PRKG1: variants seen among roughly 807,000 people sequenced by gnomAD.
The protein encoded by PRKG1 is cGMP-dependent protein kinase 1.
PRKG1 carries 35 observed loss-of-function variants against 88.1 expected under a neutral mutation model. The observed-to-expected ratio is 0.40, with a 90% confidence interval of 0.30 to 0.53. The LOEUF is 0.53. PRKG1 is among the 20% of genes least tolerant of loss of function. The probability of loss-of-function intolerance (pLI) is 0.59; values close to 1 mark genes in which losing one functional copy is unlikely to be tolerated. For synonymous variants in PRKG1, 303 were observed against 292.5 expected (o/e 1.04, Z -0.37); for missense variants, 540 against 839.8 (o/e 0.64, Z 4.41).
At chr10:52,135,377 A>T (rs1196372473) in intron 8 of PRKG1, among the ~76,000 whole-genome samples, 2 of 152,102 alleles carry the variant, frequency 1.3e-5, no homozygotes, top group Admixed American at 6.6e-5. Flanking sequence ...GAGAAAATTG[A>T]ATGTTGGGAT....
At chr10:51,501,029 C>CA (rs1302670407) in intron 3 of PRKG1, among the ~76,000 whole-genome samples, 2 of 152,104 alleles carry the variant, frequency 1.3e-5, no homozygotes, top group African/African-American at 4.8e-5. Context: ...AAAGTAATTG[C>CA]ACCAACCTAA....
At chr10:51,209,327 T>A (rs1040791166) in intron 2 of PRKG1, among the ~76,000 whole-genome samples, 1 of 152,164 alleles carries the variant, frequency 6.6e-6, no homozygotes, top group African/African-American at 2.4e-5. Flanking sequence ...ACACTGTAAT[T>A]CCTGTCCCCA....
At chr10:51,737,441 G>A (rs535127794) in intron 3 of PRKG1, among the ~76,000 whole-genome samples, 1 of 152,162 alleles carries the variant, frequency 6.6e-6, no homozygotes, top group Non-Finnish European at 1.5e-5. Context: ...TTGTTGCCTG[G>A]TTTATTGCTT....
chr10:51,203,334 G>A (rs992204991), intron 2 of PRKG1, among the ~76,000 whole-genome samples: 2 of 152,142 alleles, frequency 1.3e-5, no homozygotes, highest in African/African-American at 4.8e-5. Flanking sequence ...ACACATTAAT[G>A]TGTTTTGTTG....
chr10:51,544,563 A>G (rs1196401711), intron 3 of PRKG1, among the ~76,000 whole-genome samples: 1 of 152,128 alleles, frequency 6.6e-6, no homozygotes, highest in Non-Finnish European at 1.5e-5. Context: ...TCCTTTGGGT[A>G]TATACCCAGT....
chr10:51,979,611 C>CT (rs71032612), intron 5 of PRKG1, among the ~76,000 whole-genome samples: 9,799 of 72,312 alleles, frequency 0.14, 792 homozygotes, highest in Middle Eastern at 0.17. Flanking sequence ...TGGTCCTGGG[C>CT]TTTTTTTTTT....
At chr10:51,145,350 T>A (rs1038750961) in intron 1 of PRKG1, among the ~76,000 whole-genome samples, 7 of 152,116 alleles carry the variant, frequency 4.6e-5, no homozygotes, top group Admixed American at 4.6e-4. Context: ...TATCTGACAT[T>A]TTTTTTCTCA....
intron 4 of PRKG1, among the ~76,000 whole-genome samples, chr10:51,870,632 C>T (rs112778246): frequency 7.7e-4 from 117 of 152,108 alleles, no homozygotes; most frequent in Middle Eastern, 3.4e-3. Flanking sequence ...TCAGTTTCCC[C>T]TCCAATACAA....
chr10:51,370,003 G>A (rs1302793991), intron 2 of PRKG1, among the ~76,000 whole-genome samples: 1 of 152,174 alleles, frequency 6.6e-6, no homozygotes, highest in African/African-American at 2.4e-5. Flanking sequence ...AAGCCACTCA[G>A]TTTTGGAGTG....
intron 5 of PRKG1, among the ~76,000 whole-genome samples, chr10:51,955,899 A>G (rs542929011): frequency 1.3e-5 from 2 of 152,292 alleles, no homozygotes; most frequent in South Asian, 4.1e-4. Context: ...AGTGGCTTCA[A>G]TAGCGACCAT....
chr10:51,767,057 G>A (rs992513523), intron 3 of PRKG1, among the ~76,000 whole-genome samples: 4 of 152,100 alleles, frequency 2.6e-5, no homozygotes, highest in African/African-American at 9.7e-5. Flanking sequence ...TTATCTGAAA[G>A]TCCTTTTTAC....
intron 3 of PRKG1, among the ~76,000 whole-genome samples, chr10:51,801,794 T>C (rs1406770310): frequency 6.6e-6 from 1 of 152,118 alleles, no homozygotes; most frequent in Non-Finnish European, 1.5e-5. Flanking sequence ...AATGTACTTG[T>C]GTGTTTAGAG....
chr10:51,620,486 T>C (rs902565215), intron 3 of PRKG1, among the ~76,000 whole-genome samples: 3 of 152,030 alleles, frequency 2.0e-5, no homozygotes, highest in Admixed American at 2.0e-4. Flanking sequence ...AAAAATACAG[T>C]GATGATGATA....
intron 3 of PRKG1, among the ~76,000 whole-genome samples, chr10:51,701,433 C>T (rs538401651): frequency 1.3e-5 from 2 of 152,200 alleles, no homozygotes; most frequent in East Asian, 3.9e-4. Context: ...AGCTGTTCAC[C>T]CAAGATGCGC....
chr10:51,678,333 A>T (rs1840762380), intron 3 of PRKG1, among the ~76,000 whole-genome samples: 1 of 152,130 alleles, frequency 6.6e-6, no homozygotes, highest in East Asian at 1.9e-4. Context: ...ATCTGAGCAA[A>T]TAGAATGCAT....
chr10:52,204,099 TATTATTA>T (rs775472794), intron 9 of PRKG1, among the ~76,000 whole-genome samples: 49 of 63,676 alleles, frequency 7.7e-4, no homozygotes, highest in East Asian at 1.5e-3. Context: ...TTATTATTAT[TATTATTA>T]TTTTTTGTTT....
chr10:51,720,449 C>T (rs1167329753), intron 3 of PRKG1, among the ~76,000 whole-genome samples: 3 of 152,210 alleles, frequency 2.0e-5, no homozygotes, highest in Admixed American at 6.5e-5. Flanking sequence ...TGGGCTTTTA[C>T]AGCCTGTCAT....
At chr10:51,790,175 T>G (rs1203830713) in intron 3 of PRKG1, among the ~76,000 whole-genome samples, 1 of 152,196 alleles carries the variant, frequency 6.6e-6, no homozygotes, top group Non-Finnish European at 1.5e-5. Context: ...TAAATCTGGA[T>G]GCAATTTACC....
At position 52,294,467 on chromosome 10, in the gene PRKG1, T is replaced by C. The variant is rs1196621083; in HGVS notation, c.*567T>C. ...TCATGATTTTATTTCCCAGCAGTGC[T>C]GATGACAAGACTGAATGTTACCTTT... On this transcript the variant is annotated 3_prime_UTR_variant, in exon 18 of 18. Transcript: ENST00000373980. 1.3e-5 allele frequency: 2 copies of C among 152,570 alleles called. No homozygotes were observed. Among genetic ancestry groups the C allele is most frequent in the Non-Finnish European group, 2.9e-5 (2 of 68,046 alleles). The allele number at this position is 152,570 out of a possible 1,614,324, so 9.5% of individuals were successfully genotyped here.
Sources: allele counts gnomAD v4.1 joint callset (sites outside exome capture counted in the v4.1 genomes callset), GRCh38; gene constraint gnomAD v4.1.1; transcripts MANE v1.5; gene names NCBI Gene and HGNC (gene_info 2026-07-23, HGNC 2026-07-21).